The following DIP2C variants were observed in gnomAD, a reference collection of about 807,000 sequenced individuals.
DIP2C encodes disco-interacting protein 2 homolog C.
A neutral mutation model predicts 192.4 loss-of-function variants in DIP2C; 33 were observed. That is an observed-to-expected ratio of 0.17 (90% CI 0.13 to 0.23). The LOEUF (loss-of-function observed/expected upper bound fraction) is 0.23, where lower values mean the gene tolerates loss of function less well. Ranked by LOEUF, DIP2C falls within the 10% of genes least tolerant of loss-of-function variation. DIP2C has a pLI of 1.00. For synonymous variants in DIP2C, 979 were observed against 864.1 expected (o/e 1.13, Z -2.33); for missense variants, 1,537 against 2,110.1 (o/e 0.73, Z 5.32).
At chr10:386,366 A>C (rs759373320) in intron 14 of DIP2C, among the ~76,000 whole-genome samples, 2 of 152,230 alleles carry the variant, frequency 1.3e-5, no homozygotes, top group African/African-American at 2.4e-5. Flanking sequence ...GACATGCCTG[A>C]GTCACAAAGC....
At chr10:610,814 C>T (rs554976481) in intron 1 of DIP2C, among the ~76,000 whole-genome samples, 4 of 144,994 alleles carry the variant, frequency 2.8e-5, no homozygotes, top group Non-Finnish European at 4.5e-5. Context: ...TGGTTTCTAA[C>T]GCCCCAGTGT....
chr10:604,709 G>T (rs1852344449), intron 1 of DIP2C, among the ~76,000 whole-genome samples: 1 of 152,192 alleles, frequency 6.6e-6, no homozygotes, highest in African/African-American at 2.4e-5. Flanking sequence ...AAAGACATTT[G>T]TCAATCTATT....
At chr10:414,735 G>GTATATATATA (rs1377828086) in intron 7 of DIP2C, among the ~76,000 whole-genome samples, 15 of 53,086 alleles carry the variant, frequency 2.8e-4, no homozygotes, top group South Asian at 2.0e-3. Flanking sequence ...GTGTGTGTGT[G>GTATATATATA]TGTGTACATA....
chr10:405,757 G>C (rs896420912), intron 9 of DIP2C, among the ~76,000 whole-genome samples: 7 of 152,164 alleles, frequency 4.6e-5, no homozygotes, highest in African/African-American at 1.7e-4. Context: ...CCGATCAGGA[G>C]ACGCACACTC....
chr10:541,866 G>GTC (rs1222161642), intron 1 of DIP2C, among the ~76,000 whole-genome samples: 1 of 152,178 alleles, frequency 6.6e-6, no homozygotes, highest in Non-Finnish European at 1.5e-5. Flanking sequence ...CCCTGCACCT[G>GTC]TCTCTCGGCC....
intron 1 of DIP2C, among the ~76,000 whole-genome samples, chr10:579,376 C>T (rs140407483): frequency 9.2e-5 from 14 of 151,996 alleles, no homozygotes; most frequent in South Asian, 8.3e-4. Flanking sequence ...AACAAGTTCA[C>T]TATGTGTGTA....
chr10:538,430 T>TAGGCATG (rs903650251), intron 1 of DIP2C, among the ~76,000 whole-genome samples: 4 of 152,182 alleles, frequency 2.6e-5, no homozygotes, highest in Non-Finnish European at 4.4e-5. Flanking sequence ...CCTAGAACTA[T>TAGGCATG]AGGCATGAGG....
intron 3 of DIP2C, among the ~76,000 whole-genome samples, 169 bp downstream of exon 3, chr10:472,270 C>T (rs199582595): frequency 6.6e-6 from 1 of 152,172 alleles, no homozygotes; most frequent in Non-Finnish European, 1.5e-5. Context: ...AGCTATTTAC[C>T]GGACACTGGC....
chr10:351,583 T>A (rs1486156136), intron 24 of DIP2C, among the ~76,000 whole-genome samples: 6 of 152,196 alleles, frequency 3.9e-5, no homozygotes, highest in Non-Finnish European at 7.3e-5. Flanking sequence ...CCTTGATTAT[T>A]TCCCCACTTA....
At chr10:447,856 G>A (rs1193574447) in intron 3 of DIP2C, among the ~76,000 whole-genome samples, 1 of 119,830 alleles carries the variant, frequency 8.3e-6, no homozygotes, top group Non-Finnish European at 1.5e-5. Context: ...GCGGCAGCAG[G>A]ACCCACTCAT....
intron 15 of DIP2C, 137 bp from the exon 16 acceptor site, chr10:384,283 T>G: frequency 1.0e-5 from 13 of 1,258,866 alleles, no homozygotes; most frequent in Admixed American, 3.1e-5. Flanking sequence ...TTTTTTTTTT[T>G]TTTTTTTTTT....
At chr10:644,091 A>G (rs1855333866) in intron 1 of DIP2C, among the ~76,000 whole-genome samples, 1 of 152,248 alleles carries the variant, frequency 6.6e-6, no homozygotes, top group South Asian at 2.1e-4. Flanking sequence ...CTAGAAGGTC[A>G]GGATTCCGTG....
At chr10:324,732 T>C (rs1452781676) in intron 31 of DIP2C, 1 of 333,160 alleles carries the variant, frequency 3.0e-6, no homozygotes, top group African/African-American at 2.2e-5. Context: ...TACAGAACCG[T>C]GCTCAACACT....
chr10:538,164 G>T (rs956391337), intron 1 of DIP2C, among the ~76,000 whole-genome samples: 9 of 152,068 alleles, frequency 5.9e-5, no homozygotes, highest in Non-Finnish European at 1.0e-4. Flanking sequence ...TGCTTCCCGA[G>T]GAGTTTTCTT....
intron 1 of DIP2C, among the ~76,000 whole-genome samples, chr10:536,700 C>T (rs936646275): frequency 5.9e-5 from 9 of 152,196 alleles, no homozygotes; most frequent in Non-Finnish European, 1.3e-4. Context: ...CTGAGAGGTG[C>T]TAAGACAAAG....
At chr10:395,082 G>A (rs1048506647) in intron 10 of DIP2C, among the ~76,000 whole-genome samples, 3 of 135,068 alleles carry the variant, frequency 2.2e-5, no homozygotes, top group African/African-American at 8.1e-5. Flanking sequence ...GAATAGAATG[G>A]TGACCACGAG....
chr10:655,268 A>G (rs1856209531), intron 1 of DIP2C, among the ~76,000 whole-genome samples: 1 of 152,192 alleles, frequency 6.6e-6, no homozygotes, highest in Admixed American at 6.5e-5. Flanking sequence ...TTCGCTTAAT[A>G]AATTCTACTG....
intron 3 of DIP2C, among the ~76,000 whole-genome samples, chr10:449,135 A>T (rs1275137222): frequency 1.3e-5 from 2 of 151,598 alleles, no homozygotes; most frequent in Non-Finnish European, 2.9e-5. Context: ...GATACTCAGG[A>T]TCATATACAC....
At chr10:580,606 T>C (rs747014165) in intron 1 of DIP2C, among the ~76,000 whole-genome samples, 6 of 152,218 alleles carry the variant, frequency 3.9e-5, no homozygotes, top group East Asian at 3.9e-4. Context: ...TGTAAATACA[T>C]GTACAATGGC....
Sources: gnomAD v4.1 joint callset for allele counts (sites outside exome capture counted in the v4.1 genomes callset) on GRCh38, gnomAD v4.1.1 for gene constraint, MANE v1.5 for transcripts, NCBI Gene and HGNC (gene_info 2026-07-23, HGNC 2026-07-21) for gene names.